The following NDST3 variants were observed in gnomAD, a reference collection of about 807,000 sequenced individuals.
NDST3 encodes the protein bifunctional heparan sulfate N-deacetylase/N-sulfotransferase 3.
In NDST3, 58 loss-of-function variants were observed where a neutral mutation model predicts 96.1. That is an observed-to-expected ratio of 0.60 (90% confidence interval 0.49 to 0.75). The LOEUF (loss-of-function observed/expected upper bound fraction) is 0.75. Among genes scored for constraint, NDST3 ranks in the 30% least tolerant of loss-of-function variants. NDST3 has a pLI of 0.00. For synonymous variants in NDST3, 333 were observed against 359.7 expected (o/e 0.93, Z 0.84); for missense variants, 788 against 1,034.2 (o/e 0.76, Z 3.27).
chr4:118,083,632 T>C (rs1728191156), intron 2 of NDST3, among the ~76,000 whole-genome samples: 1 of 152,122 alleles, frequency 6.6e-6, no homozygotes, highest in Admixed American at 6.5e-5. Flanking sequence ...CAGGAAAGGG[T>C]AGAGATACAA....
intron 6 of NDST3, among the ~76,000 whole-genome samples, chr4:118,222,375 T>A (rs935159873): frequency 1.3e-5 from 2 of 151,878 alleles, no homozygotes; most frequent in African/African-American, 4.8e-5. Context: ...ATATTCCATG[T>A]CTATAGAAAA....
chr4:118,040,436 CTCTT>C (rs375387853), intron 1 of NDST3, among the ~76,000 whole-genome samples: 131 of 152,102 alleles, frequency 8.6e-4, no homozygotes, highest in African/African-American at 2.8e-3. Context: ...CTGATTGAGC[CTCTT>C]TCTTTCTTTC....
chr4:118,051,716 C>T (rs1725091200), intron 1 of NDST3, among the ~76,000 whole-genome samples: 1 of 151,928 alleles, frequency 6.6e-6, no homozygotes, highest in South Asian at 2.1e-4. Flanking sequence ...CTAGAAAATG[C>T]TAAATATCCT....
intron 4 of NDST3, among the ~76,000 whole-genome samples, chr4:118,129,244 A>G (rs1233587234): frequency 6.6e-6 from 1 of 151,380 alleles, no homozygotes; most frequent in Admixed American, 6.6e-5. Flanking sequence ...TTCAGTTTGC[A>G]CTTGCTTTTC....
At chr4:118,144,968 C>T (rs1321732624) in intron 6 of NDST3, among the ~76,000 whole-genome samples, 1 of 152,136 alleles carries the variant, frequency 6.6e-6, no homozygotes, top group Non-Finnish European at 1.5e-5. Flanking sequence ...GAAAGAGTAA[C>T]TCATCTTTGG....
chr4:118,044,300 C>G (rs1724629971), intron 1 of NDST3, among the ~76,000 whole-genome samples: 1 of 152,180 alleles, frequency 6.6e-6, no homozygotes, highest in Admixed American at 6.5e-5. Flanking sequence ...TGTAAAAGCG[C>G]AATTACTTAT....
chr4:118,224,232 T>C (rs1314726133), intron 6 of NDST3, among the ~76,000 whole-genome samples: 1 of 152,158 alleles, frequency 6.6e-6, no homozygotes, highest in South Asian at 2.1e-4. Context: ...ACAGCAGCTA[T>C]TGATGTTGAA....
In NDST3 at chr4:118,200,666, T is replaced by C. The variant is rs182251776; in HGVS notation, c.1540-23825T>C. ...AATTTTTCTTATTAGTCATTTAAGA[T>C]TTTTATTTGCCTTTTATAAGGAGTC... On this transcript the variant is annotated intron_variant, in intron 6 of 13. Coordinates refer to ENST00000296499, the MANE Select transcript of NDST3 (RefSeq NM_004784.3). Among the ~76,000 whole-genome samples, 660 of 152,296 alleles carry C rather than the reference T, an allele frequency of 4.3e-3. 7 individuals carry two copies. The highest frequency in any genetic ancestry group is 6.4e-3 in the Non-Finnish European group (433 of 68,012).
chr4:118,084,228 C>CAA (rs369630539), intron 2 of NDST3, among the ~76,000 whole-genome samples: 2 of 145,620 alleles, frequency 1.4e-5, no homozygotes, highest in African/African-American at 5.0e-5. Flanking sequence ...GCTATAAAAA[C>CAA]AAAAAAAAAA....
rs569233301 is a variant in NDST3 at position 118,166,971 on chromosome 4, C to T, written c.1539+23287C>T. On this transcript the variant is annotated intron_variant, in intron 6 of 13. Coordinates refer to ENST00000296499, the MANE Select transcript of NDST3 (RefSeq NM_004784.3). Reference sequence around the variant, plus strand: ...TTCATGGTAAAAACCTGAAAACTTGCGTGAGGAACAAGGCAAGGACTCCCA... The same window carrying T: ...TTCATGGTAAAAACCTGAAAACTTGTGTGAGGAACAAGGCAAGGACTCCCA... Among the ~76,000 whole-genome samples, 29 of 151,428 alleles carry T rather than the reference C, an allele frequency of 1.9e-4. No homozygotes were observed. The South Asian group carries it at 4.4e-3, about 23-fold the overall frequency.
At chr4:118,127,509 T>C (rs1732210430) in intron 4 of NDST3, among the ~76,000 whole-genome samples, 1 of 152,126 alleles carries the variant, frequency 6.6e-6, no homozygotes, top group African/African-American at 2.4e-5. Context: ...TGTAGGAGTA[T>C]TAATTTGTTG....
chr4:118,225,149 A>C (rs1206508516), intron 7 of NDST3, among the ~76,000 whole-genome samples: 1 of 152,208 alleles, frequency 6.6e-6, no homozygotes, highest in Non-Finnish European at 1.5e-5. Context: ...GACAGCTTTC[A>C]AAAGTATTAA....
Position 118,255,800 on chromosome 4 carries a change from T to C in NDST3, c.*88T>C, listed in dbSNP as rs1420296164. The C allele has an allele frequency of 1.5e-6, 2 of 1,354,508 alleles. No individual in the cohort carries two copies. The highest frequency in any genetic ancestry group is 2.7e-5 in the Admixed American group (1 of 37,128). The allele number at this position is 1,354,508 out of a possible 1,614,324, so 83.9% of individuals were successfully genotyped here. On this transcript the variant is annotated 3_prime_UTR_variant, in exon 14 of 14. Transcript: ENST00000296499. ...AAGCTACCAAAAGGCAGTTGAAAAA[T>C]ATACCTCTTCAAATGAGAAAAAAGA...
chr4:118,167,963 A>G (rs1355380482), intron 6 of NDST3, among the ~76,000 whole-genome samples: 3 of 152,068 alleles, frequency 2.0e-5, no homozygotes, highest in Admixed American at 6.6e-5. Flanking sequence ...ATATTCCAAT[A>G]AAAACATAAA....
At chr4:118,123,032 T>C (rs1423524141) in intron 4 of NDST3, among the ~76,000 whole-genome samples, 1 of 152,178 alleles carries the variant, frequency 6.6e-6, no homozygotes, top group Non-Finnish European at 1.5e-5. Flanking sequence ...GTTACACAGA[T>C]CTCATAATCA....
At chr4:118,196,614 A>G (rs986131125) in intron 6 of NDST3, among the ~76,000 whole-genome samples, 3 of 151,968 alleles carry the variant, frequency 2.0e-5, no homozygotes, top group African/African-American at 7.3e-5. Flanking sequence ...TTTCTTCTAG[A>G]TTTTCCAATT....
At chr4:118,211,218 T>G (rs1219647158) in intron 6 of NDST3, among the ~76,000 whole-genome samples, 3 of 152,178 alleles carry the variant, frequency 2.0e-5, no homozygotes, top group Non-Finnish European at 4.4e-5. Flanking sequence ...ATGGCAACTT[T>G]CTGTCACCTA....
intron 1 of NDST3, among the ~76,000 whole-genome samples, chr4:118,044,345 T>C (rs1180688599): frequency 6.6e-6 from 1 of 152,240 alleles, no homozygotes; most frequent in Non-Finnish European, 1.5e-5. Context: ...ATGAAAACTC[T>C]GTTGTCCAGG....
At chr4:118,038,117 G>A (rs533120813) in intron 1 of NDST3, among the ~76,000 whole-genome samples, 1 of 152,240 alleles carries the variant, frequency 6.6e-6, no homozygotes, top group East Asian at 1.9e-4. Flanking sequence ...ACAAAGAAAA[G>A]GTTTGGATTA....
Sources: allele counts gnomAD v4.1 joint callset (sites outside exome capture counted in the v4.1 genomes callset), GRCh38; gene constraint gnomAD v4.1.1; transcripts MANE v1.5; gene names NCBI Gene and HGNC (gene_info 2026-07-23, HGNC 2026-07-21).